The following IMMP2L variants were observed in gnomAD, a reference collection of about 807,000 sequenced individuals.
IMMP2L encodes mitochondrial inner membrane protease subunit 2.
IMMP2L carries 18 observed loss-of-function variants against 19.3 expected under a neutral mutation model. The ratio of observed to expected loss-of-function variants is 0.93; its 90% CI spans 0.64 to 1.38. The LOEUF is 1.38. IMMP2L is among the 40% of genes most tolerant of loss of function. IMMP2L has a pLI of 0.00. For synonymous variants in IMMP2L, 76 were observed against 73.0 expected (o/e 1.04, Z -0.21); for missense variants, 233 against 218.2 (o/e 1.07, Z -0.43).
Position 110,819,173 on chromosome 7 carries a change from TGAACTTCCTTTG to T in IMMP2L, c.408+67408_408+67419del, listed in dbSNP as rs564470914. Among the ~76,000 whole-genome samples the T allele has an allele frequency of 1.3e-3, 193 of 152,178 alleles. 1 individual carries two copies. Among genetic ancestry groups the T allele is most frequent in the African/African-American group, 4.4e-3 (183 of 41,558 alleles). On this transcript the variant is annotated intron_variant, in intron 5 of 5. Transcript: ENST00000405709. ...ACTGGAGAAGTTAGCAAAGGATTTG[TGAACTTCCTTTG>T]GAACTTCCTTTGGAACTGTAACTTA...
intron 2 of IMMP2L, among the ~76,000 whole-genome samples, chr7:111,519,325 C>T (rs1405478469): frequency 1.3e-5 from 2 of 152,116 alleles, no homozygotes; most frequent in South Asian, 2.1e-4. Flanking sequence ...CTGTCTCACT[C>T]GTGCCTTCCT....
intron 3 of IMMP2L, among the ~76,000 whole-genome samples, chr7:111,144,131 A>G (rs961900081): frequency 3.3e-5 from 5 of 152,194 alleles, no homozygotes; most frequent in African/African-American, 4.8e-5. Context: ...AAGAAGAGCC[A>G]AAACTATGAG....
chr7:111,380,055 C>T (rs1831049513), intron 3 of IMMP2L, among the ~76,000 whole-genome samples: 1 of 151,830 alleles, frequency 6.6e-6, no homozygotes, highest in Non-Finnish European at 1.5e-5. Context: ...TATTCTGCAA[C>T]ATTAATTAAC....
At chr7:111,117,207 A>G (rs1799986824) in intron 3 of IMMP2L, among the ~76,000 whole-genome samples, 1 of 152,162 alleles carries the variant, frequency 6.6e-6, no homozygotes, top group African/African-American at 2.4e-5. Context: ...AAAGGTTAAA[A>G]TCAGATAAGT....
intron 5 of IMMP2L, among the ~76,000 whole-genome samples, chr7:110,668,801 TAGAGAG>T (rs10536678): frequency 1.3e-5 from 2 of 150,958 alleles, no homozygotes; most frequent in South Asian, 2.1e-4. Context: ...TTGAGAATAA[TAGAGAG>T]AGAGAGAGTG....
chr7:111,534,544 GCTT>G (rs1847705907), intron 1 of IMMP2L, among the ~76,000 whole-genome samples: 1 of 151,964 alleles, frequency 6.6e-6, no homozygotes, highest in African/African-American at 2.4e-5. Flanking sequence ...TTCACTTTAT[GCTT>G]TATATTTTTC....
chr7:111,487,787 A>G (rs1842777549), intron 2 of IMMP2L, among the ~76,000 whole-genome samples: 1 of 152,156 alleles, frequency 6.6e-6, no homozygotes, highest in Non-Finnish European at 1.5e-5. Context: ...CAGTCATATG[A>G]AAAACTGAAG....
intron 5 of IMMP2L, among the ~76,000 whole-genome samples, chr7:110,723,585 A>C (rs1424167662): frequency 6.6e-6 from 1 of 152,180 alleles, no homozygotes; most frequent in Non-Finnish European, 1.5e-5. Context: ...TAGTTCTAAA[A>C]ATTGATTGAT....
chr7:111,393,871 G>T (rs561828314), intron 3 of IMMP2L, among the ~76,000 whole-genome samples: 1 of 152,034 alleles, frequency 6.6e-6, no homozygotes, highest in Non-Finnish European at 1.5e-5. Flanking sequence ...ATGTACGTGT[G>T]TTTTTTTCCA....
At chr7:110,988,898 A>C (rs556562574) in intron 3 of IMMP2L, among the ~76,000 whole-genome samples, 1 of 148,732 alleles carries the variant, frequency 6.7e-6, no homozygotes, top group South Asian at 2.1e-4. Context: ...TATAAAAACT[A>C]TAAAAATGAT....
intron 3 of IMMP2L, among the ~76,000 whole-genome samples, chr7:111,148,068 T>C (rs1182930198): frequency 6.6e-6 from 1 of 152,110 alleles, no homozygotes; most frequent in Non-Finnish European, 1.5e-5. Context: ...GTGTTCATAG[T>C]AACATTATTC....
intron 4 of IMMP2L, among the ~76,000 whole-genome samples, chr7:110,951,538 GGTGTGTGTGTGTGT>G (rs10598353): frequency 6.7e-6 from 1 of 149,648 alleles, no homozygotes; most frequent in Non-Finnish European, 1.5e-5. Context: ...ATGTATATAT[GGTGTGTGTGTGTGT>G]GTGTGTGTGT....
At chr7:110,976,368 A>T (rs953007034) in intron 3 of IMMP2L, among the ~76,000 whole-genome samples, 1 of 152,000 alleles carries the variant, frequency 6.6e-6, no homozygotes, top group Non-Finnish European at 1.5e-5. Flanking sequence ...TGCCTGGCTT[A>T]TTTCATTTAG....
chr7:110,775,343 C>A (rs1799314513), intron 5 of IMMP2L, among the ~76,000 whole-genome samples: 2 of 150,086 alleles, frequency 1.3e-5, no homozygotes, highest in Admixed American at 6.7e-5. Context: ...AAACATAGAA[C>A]TGATAGTAAG....
intron 5 of IMMP2L, among the ~76,000 whole-genome samples, chr7:110,796,901 T>G (rs1800900891): frequency 6.6e-6 from 1 of 152,032 alleles, no homozygotes; most frequent in African/African-American, 2.4e-5. Context: ...TTTGCCTACA[T>G]TAGCCAGCCA....
chr7:111,026,988 C>G (rs1043726557), intron 3 of IMMP2L, among the ~76,000 whole-genome samples: 2 of 152,098 alleles, frequency 1.3e-5, no homozygotes, highest in Non-Finnish European at 2.9e-5. Flanking sequence ...GCTTTTATCT[C>G]TCTGGATAAT....
intron 3 of IMMP2L, among the ~76,000 whole-genome samples, chr7:111,454,043 A>G (rs1275969407): frequency 2.6e-5 from 4 of 152,190 alleles, no homozygotes; most frequent in African/African-American, 9.7e-5. Context: ...ATGCATTCAT[A>G]TATTTAATAC....
intron 3 of IMMP2L, among the ~76,000 whole-genome samples, chr7:111,048,383 G>A (rs1792660225): frequency 6.6e-6 from 1 of 151,912 alleles, no homozygotes; most frequent in Admixed American, 6.6e-5. Flanking sequence ...TGCAAGCAGT[G>A]AGCATCTGGG....
intron 5 of IMMP2L, among the ~76,000 whole-genome samples, chr7:110,673,242 G>A (rs1485470445): frequency 6.6e-6 from 1 of 152,256 alleles, no homozygotes; most frequent in Non-Finnish European, 1.5e-5. Context: ...GGTCTGAGCT[G>A]TACCTTGGCC....
Sources: allele counts gnomAD v4.1 joint callset (sites outside exome capture counted in the v4.1 genomes callset), GRCh38; gene constraint gnomAD v4.1.1; transcripts MANE v1.5; gene names NCBI Gene and HGNC (gene_info 2026-07-23, HGNC 2026-07-21).